Variants in RYR2 observed in about 807,000 individuals in gnomAD.
The protein encoded by RYR2 is ryanodine receptor 2.
Under a neutral mutation model 601.1 loss-of-function variants are expected in RYR2, and 227 were observed. The observed-to-expected ratio is 0.38, with a 90% CI of 0.34 to 0.42. RYR2 has a LOEUF of 0.42. Ranked by LOEUF, RYR2 falls within the 10% of genes least tolerant of loss-of-function variation. The pLI is 1.00. For synonymous variants in RYR2, 2,223 were observed against 2,175.1 expected, an observed-to-expected ratio of 1.02 and a Z score of -0.61; for missense variants, 4,646 against 6,156.5, an observed-to-expected ratio of 0.75 and a Z score of 8.21.
At chr1:237,792,031 A>ATTTCT in intron 93 of RYR2, 74 bp from the exon 94 acceptor site, 2 of 1,077,144 alleles carry the variant, frequency 1.9e-6, no homozygotes, top group Admixed American at 2.1e-5. Context: ...AAAAGGCTGT[A>ATTTCT]TTTCTTTTGT....
chr1:237,077,796 C>A (rs1202181141), intron 1 of RYR2, among the ~76,000 whole-genome samples: 1 of 152,246 alleles, frequency 6.6e-6, no homozygotes, highest in African/African-American at 2.4e-5. Context: ...TCTACAGAAC[C>A]ATCCACCCCA....
At chr1:237,349,992 A>G (rs1329390337) in intron 3 of RYR2, among the ~76,000 whole-genome samples, 1 of 152,156 alleles carries the variant, frequency 6.6e-6, no homozygotes. Flanking sequence ...TTATATTTCC[A>G]TAAAGCTATA....
chr1:237,077,780 T>C (rs1665165688), intron 1 of RYR2, among the ~76,000 whole-genome samples: 1 of 152,244 alleles, frequency 6.6e-6, no homozygotes. Context: ...GCGGACCTAA[T>C]AGACATCTAC....
chr1:237,505,973 A>T (rs1241317756), intron 22 of RYR2, among the ~76,000 whole-genome samples: 1 of 152,202 alleles, frequency 6.6e-6, no homozygotes, highest in East Asian at 1.9e-4. Context: ...ATCAATCACT[A>T]GTCAGACATT....
intron 24 of RYR2, among the ~76,000 whole-genome samples, chr1:237,520,784 C>T (rs1558961059): frequency 6.6e-6 from 1 of 152,082 alleles, no homozygotes; most frequent in Non-Finnish European, 1.5e-5. Flanking sequence ...GCCTGTAATC[C>T]CAGCACTTTG....
At position 237,771,997 on chromosome 1, in the gene RYR2, T is replaced by C. The variant is rs753142009; in HGVS notation, c.11558-15T>C. Reference sequence around the variant, plus strand: ...TTCTGAGCAAGCATTAATAACATTTTTTTATCTTGCATAGATTTTCAGAAT... The same window carrying C: ...TTCTGAGCAAGCATTAATAACATTTCTTTATCTTGCATAGATTTTCAGAAT... On this transcript the variant is annotated splice_polypyrimidine_tract_variant and intron_variant, in intron 85 of 104. Coordinates refer to ENST00000366574, the MANE Select transcript of RYR2 (RefSeq NM_001035.3). 8 of 1,445,440 alleles carry C rather than the reference T, an allele frequency of 5.5e-6. No homozygotes were observed. The East Asian group carries it at 1.7e-4, about 31-fold the overall frequency. The allele number at this position is 1,445,440 out of a possible 1,614,324, so 89.5% of individuals were successfully genotyped here.
At chr1:237,782,598 A>C (rs1695213742) in intron 89 of RYR2, among the ~76,000 whole-genome samples, 2 of 152,146 alleles carry the variant, frequency 1.3e-5, no homozygotes, top group Admixed American at 1.3e-4. Flanking sequence ...TATACCCTTT[A>C]AACACAGGAT....
chr1:237,584,647 C>CTTTTT (rs1674299637), intron 29 of RYR2, among the ~76,000 whole-genome samples: 3 of 75,768 alleles, frequency 4.0e-5, no homozygotes, highest in African/African-American at 9.6e-5. Context: ...AGCTCACCAC[C>CTTTTT]TGTTTTTTTT....
At chr1:237,461,047 A>G (rs1016159985) in intron 16 of RYR2, among the ~76,000 whole-genome samples, 1 of 152,230 alleles carries the variant, frequency 6.6e-6, no homozygotes, top group African/African-American at 2.4e-5. Context: ...TGTTGGATAT[A>G]GCAAAGAATG....
intron 1 of RYR2, among the ~76,000 whole-genome samples, chr1:237,068,496 A>T (rs371239564): frequency 1.3e-5 from 2 of 152,114 alleles, no homozygotes; most frequent in Admixed American, 6.5e-5. Context: ...ATTTGTGTAA[A>T]TACATTCTTT....
intron 1 of RYR2, among the ~76,000 whole-genome samples, chr1:237,097,577 C>T (rs1667622796): frequency 6.6e-6 from 1 of 152,184 alleles, no homozygotes; most frequent in South Asian, 2.1e-4. Context: ...CCTCATGACA[C>T]CATCTTCCAG....
chr1:237,219,313 C>T (rs1055422201), intron 1 of RYR2, among the ~76,000 whole-genome samples: 2 of 152,068 alleles, frequency 1.3e-5, no homozygotes, highest in Admixed American at 6.6e-5. Context: ...CCACTGCACC[C>T]GGCCTATACT....
rs1326886709 is a variant in RYR2, at chr1:237,784,596, T to G, written c.12884T>G (p.Leu4295Trp). 6.2e-7 allele frequency: 1 copy of G among 1,613,958 alleles called. No individual in the cohort carries two copies. Residue 4295 changes from leucine to tryptophan, a missense_variant, in exon 90 of 105, where the codon TTG becomes TGG. Physicochemically the swap from Leu to Trp is moderately conservative, Grantham distance 61. Around this residue, in one of 17 missense-constraint regions of RYR2, gnomAD observed 364 missense variants for 442.9 expected, o/e 0.82. Transcript: ENST00000366574. The surrounding 1 kb of genome is among the most constrained non-coding windows in gnomAD (Gnocchi z 7.1). ...SSYWSIFMTL[L>W]HFVASVFRGF... ...TACTGGAGTATTTTCATGACCCTCT[T>G]GCACTTCGTGGCCAGCGTTTTCAGA...
intron 20 of RYR2, among the ~76,000 whole-genome samples, chr1:237,499,865 CT>C (rs1664449539): frequency 6.6e-6 from 1 of 152,166 alleles, no homozygotes; most frequent in African/African-American, 2.4e-5. Flanking sequence ...ACCTTACCTT[CT>C]TTTCTTTCAT....
chr1:237,693,885 TC>T (rs1687166454), intron 63 of RYR2, among the ~76,000 whole-genome samples: 2 of 152,234 alleles, frequency 1.3e-5, no homozygotes, highest in African/African-American at 4.8e-5. Flanking sequence ...AACACTGACG[TC>T]TTTAAATGAT....
At chr1:237,677,879 T>C (rs962987420) in intron 60 of RYR2, among the ~76,000 whole-genome samples, 169 bp from the exon 61 acceptor site, 1 of 152,214 alleles carries the variant, frequency 6.6e-6, no homozygotes, top group African/African-American at 2.4e-5. Flanking sequence ...AAACATCCTT[T>C]TATTTTTAAT....
intron 3 of RYR2, 83 bp downstream of exon 3, chr1:237,331,065 A>G (rs1696661705): frequency 2.5e-6 from 3 of 1,191,136 alleles, no homozygotes; most frequent in African/African-American, 3.0e-5. Context: ...GGTGTCAGAG[A>G]TTTTCTTTTT....
At chr1:237,358,029 A>G (rs144593787) in intron 4 of RYR2, among the ~76,000 whole-genome samples, 142 of 152,226 alleles carry the variant, frequency 9.3e-4, no homozygotes, top group African/African-American at 3.2e-3. Context: ...AGAAGTTTGA[A>G]ATTCTACTGT....
intron 101 of RYR2, 99 bp from the exon 102 acceptor site, chr1:237,828,282 A>G (rs1663389290): frequency 1.3e-6 from 1 of 749,752 alleles, no homozygotes; most frequent in African/African-American, 1.7e-5. Flanking sequence ...GCATTTTGCA[A>G]GGTAGTTGTA....
Sources: allele counts gnomAD v4.1 joint callset (sites outside exome capture counted in the v4.1 genomes callset), GRCh38; gene constraint gnomAD v4.1.1; regional missense constraint gnomAD v4.1.1; non-coding constraint Gnocchi (gnomAD v3.1); transcripts MANE v1.5; gene names NCBI Gene and HGNC (gene_info 2026-07-23, HGNC 2026-07-21).